The following TEC variants were observed in gnomAD, a reference collection of about 807,000 sequenced individuals.
TEC encodes tec protein tyrosine kinase.
A neutral mutation model predicts 93.0 loss-of-function variants in TEC; 72 were observed. That is an observed-to-expected ratio of 0.77 (90% confidence interval 0.64 to 0.94). The LOEUF is 0.94. Among genes scored for constraint, TEC ranks in the 40% least tolerant of loss-of-function variants. The pLI is 0.00. For missense variants in TEC, 630 were observed against 757.9 expected (o/e 0.83, Z 1.98); for synonymous variants, 249 against 247.7 (o/e 1.01, Z -0.05).
At chr4:48,198,183 C>T (rs1468197401) in intron 2 of TEC, among the ~76,000 whole-genome samples, 4 of 152,206 alleles carry the variant, frequency 2.6e-5, no homozygotes, top group African/African-American at 4.8e-5. Context: ...TGCCTCAGGC[C>T]ATGCTTTCCC....
intron 1 of TEC, among the ~76,000 whole-genome samples, chr4:48,244,794 T>G (rs1216820619): frequency 6.6e-6 from 1 of 152,204 alleles, no homozygotes; most frequent in Non-Finnish European, 1.5e-5. Flanking sequence ...TGCAACATCC[T>G]TCTTCTCAAA....
rs12507731 is a variant in TEC, at chr4:48,167,702, C to A, written c.671+76G>T. The A allele has an allele frequency of 3.9e-5, 54 of 1,384,464 alleles. No homozygotes were observed. The African/African-American group carries it at 5.7e-4, about 15-fold the overall frequency. 85.8% of individuals were successfully genotyped at this position (1,384,464 alleles called of 1,614,324 possible). On this transcript the variant is annotated intron_variant, in intron 7 of 17. Coordinates refer to ENST00000381501, the MANE Select transcript of TEC (RefSeq NM_003215.3). ...AATTAGTCTCATTACACGATAGTTACGACTTATCTACTTCTCACTCAACAC... is the reference window on the plus strand; with the variant it reads ...AATTAGTCTCATTACACGATAGTTAAGACTTATCTACTTCTCACTCAACAC...
intron 1 of TEC, among the ~76,000 whole-genome samples, chr4:48,265,334 A>G (rs116795120): frequency 0.012 from 1,779 of 151,054 alleles, 33 homozygotes; most frequent in African/African-American, 0.041. Flanking sequence ...AGCTTCTCAC[A>G]GACACAGAAA....
At chr4:48,191,919 A>G (rs948877704) in intron 2 of TEC, among the ~76,000 whole-genome samples, 137 of 152,200 alleles carry the variant, frequency 9.0e-4, no homozygotes, top group African/African-American at 3.3e-3. Flanking sequence ...AGCCTGGGTG[A>G]CAGACTAAGA....
Position 48,202,964 on chromosome 4 carries a change from A to G in TEC, c.138+25513T>C, listed in dbSNP as rs147095135. Among the ~76,000 whole-genome samples the G allele has an allele frequency of 1.7e-4, 26 of 152,334 alleles. No individual in the cohort carries two copies. The East Asian group carries it at 4.8e-3, about 28-fold the overall frequency. On this transcript the variant is annotated intron_variant, in intron 2 of 17. Transcript: ENST00000381501. ...ATGCAAAGCTGCAGGCAGGAAAATA[A>G]TTTTCACTTCACTTGAGAACTGAGG...
intron 1 of TEC, among the ~76,000 whole-genome samples, chr4:48,229,790 T>C (rs1723591911): frequency 7.0e-6 from 1 of 143,610 alleles, no homozygotes; most frequent in African/African-American, 2.6e-5. Context: ...TAATAATAAA[T>C]AGGCTGAGCG....
intron 1 of TEC, among the ~76,000 whole-genome samples, chr4:48,236,754 G>T (rs1723796006): frequency 6.6e-6 from 1 of 152,166 alleles, no homozygotes; most frequent in Non-Finnish European, 1.5e-5. Flanking sequence ...AACAGAAACT[G>T]TCACTGTATC....
At chr4:48,224,029 C>G (rs1337196270) in intron 2 of TEC, among the ~76,000 whole-genome samples, 1 of 152,180 alleles carries the variant, frequency 6.6e-6, no homozygotes, top group Admixed American at 6.5e-5. Flanking sequence ...TGTGTCTTTT[C>G]CCTTTACTGA....
intron 6 of TEC, 97 bp from the exon 7 acceptor site, chr4:48,168,050 C>A: frequency 9.2e-7 from 1 of 1,087,060 alleles, no homozygotes. Context: ...ACAGAATAAA[C>A]TAGAAACTTC....
intron 9 of TEC, 48 bp from the exon 10 acceptor site, chr4:48,150,990 G>C: frequency 8.4e-7 from 1 of 1,184,976 alleles, no homozygotes; most frequent in African/African-American, 1.5e-5. Context: ...ATTACTAATA[G>C]CATTGCCATG....
At chr4:48,234,228 G>A (rs144529505) in intron 1 of TEC, among the ~76,000 whole-genome samples, 2 of 152,256 alleles carry the variant, frequency 1.3e-5, no homozygotes, top group Non-Finnish European at 2.9e-5. Context: ...GAATAAAGAC[G>A]TTTTTCAAAT....
At chr4:48,163,972 C>T (rs2704398) in intron 7 of TEC, among the ~76,000 whole-genome samples, 9,246 of 152,202 alleles carry the variant, frequency 0.061, 950 homozygotes, top group African/African-American at 0.21. Flanking sequence ...AAAAATTCTG[C>T]GGTAGGCAGG....
chr4:48,186,165 G>A (rs1160823137), intron 2 of TEC, among the ~76,000 whole-genome samples: 1 of 152,214 alleles, frequency 6.6e-6, no homozygotes, highest in African/African-American at 2.4e-5. Context: ...GGTGCTCAAC[G>A]TTGCCCAGGC....
intron 2 of TEC, among the ~76,000 whole-genome samples, chr4:48,187,125 C>T (rs904441160): frequency 3.3e-5 from 5 of 152,204 alleles, no homozygotes; most frequent in Non-Finnish European, 7.3e-5. Context: ...TAATCTATAA[C>T]CTTACCCCCA....
chr4:48,222,210 G>A (rs2109628238), intron 2 of TEC, among the ~76,000 whole-genome samples: 1 of 152,286 alleles, frequency 6.6e-6, no homozygotes, highest in African/African-American at 2.4e-5. Context: ...AGATTGAAGA[G>A]TATTAGCAAA....
At chr4:48,181,141 G>A (rs979372851) in intron 2 of TEC, among the ~76,000 whole-genome samples, 2 of 152,124 alleles carry the variant, frequency 1.3e-5, no homozygotes, top group African/African-American at 4.8e-5. Flanking sequence ...GAGGAGGCAG[G>A]GCTGGGAAAT....
chr4:48,155,732 G>A (rs1179219267), intron 9 of TEC: 24 of 152,178 alleles, frequency 1.6e-4, no homozygotes, highest in Admixed American at 1.6e-3. Flanking sequence ...GACTGACTCT[G>A]GAACTGTGTG....
At chr4:48,210,285 C>T (rs1722856373) in intron 2 of TEC, among the ~76,000 whole-genome samples, 1 of 152,036 alleles carries the variant, frequency 6.6e-6, no homozygotes, top group Non-Finnish European at 1.5e-5. Flanking sequence ...AAGTTTAAGA[C>T]CAGCCTAGGC....
chr4:48,176,759 T>C (rs966849721), intron 2 of TEC, among the ~76,000 whole-genome samples: 5 of 152,098 alleles, frequency 3.3e-5, no homozygotes, highest in African/African-American at 1.2e-4. Flanking sequence ...AAAACTCCCT[T>C]TCATTGCTAC....
Sources: gnomAD v4.1 joint callset for allele counts (sites outside exome capture counted in the v4.1 genomes callset) on GRCh38, gnomAD v4.1.1 for gene constraint, MANE v1.5 for transcripts, NCBI Gene and HGNC (gene_info 2026-07-23, HGNC 2026-07-21) for gene names.